Variants in DAB2IP observed in about 807,000 individuals in gnomAD.
DAB2IP encodes the protein disabled homolog 2-interacting protein.
Under a neutral mutation model 107.2 loss-of-function variants are expected in DAB2IP, and 28 were observed. The ratio of observed to expected loss-of-function variants is 0.26; its 90% CI spans 0.19 to 0.36. The LOEUF is 0.36. DAB2IP is among the 10% of genes least tolerant of loss of function. DAB2IP has a pLI of 1.00. For missense variants in DAB2IP, 1,400 were observed against 1,644.7 expected, an observed-to-expected ratio of 0.85 and a Z score of 2.57; for synonymous variants, 755 against 706.4, an observed-to-expected ratio of 1.07 and a Z score of -1.09.
At chr9:121,773,134 C>T (rs767683993) in exon 12 of DAB2IP, 4 of 1,611,214 alleles carry the variant, frequency 2.5e-6, no homozygotes, top group Admixed American at 3.3e-5. Context: ...TTGGCGGCTG[C>T]TGCCAAGCTG....
In DAB2IP at chr9:121,774,744, T is replaced by G. The variant is rs180967979; in HGVS notation, c.3120+332T>G. ...TTGAGCTTCCTGAGGACCTGGGGGT[T>G]GAGGGCTGAGGGTGCCCAAGTGACA... On this transcript the variant is annotated intron_variant, in intron 13 of 15. Coordinates refer to ENST00000408936, the Ensembl canonical transcript of DAB2IP. Among the ~76,000 whole-genome samples, 1,266 of 152,214 alleles carry G rather than the reference T, an allele frequency of 8.3e-3. 20 individuals are homozygous for G. Among genetic ancestry groups the G allele is most frequent in the African/African-American group, 0.029 (1,219 of 41,530 alleles).
At chr9:121,707,950 C>T (rs1337701250) in intron 3 of DAB2IP, among the ~76,000 whole-genome samples, 1 of 152,192 alleles carries the variant, frequency 6.6e-6, no homozygotes, top group Non-Finnish European at 1.5e-5. Context: ...GTGGCTATGA[C>T]TAAATCCCTA....
chr9:121,699,435 C>G lies in DAB2IP; in HGVS notation c.339C>G (p.Ala113=). The G allele has an allele frequency of 6.9e-7, 1 of 1,446,862 alleles. No homozygotes were observed. The highest frequency in any genetic ancestry group is 9.2e-7 in the Non-Finnish European group (1 of 1,088,224). 89.6% of individuals were successfully genotyped at this position (1,446,862 alleles called of 1,614,324 possible). ...TCCTGCCGGGGTTCCGGAGCGCCGC[C>G]GCCGCCGCCGCGGACAATGAGAGGT... is the stretch of plus-strand genomic sequence containing the variant. The change falls in exon 3 of 16, where the codon GCC becomes GCG. Residue 113 remains alanine, a synonymous_variant. Coordinates refer to ENST00000408936, the Ensembl canonical transcript of DAB2IP. This position sits in a 1 kb window ranked among gnomAD's most constrained non-coding sequence, Gnocchi z 6.2.
At position 121,763,493 on chromosome 9, in the gene DAB2IP, C is replaced by T; in HGVS notation, c.1171-12C>T. The T allele has an allele frequency of 1.2e-6, 2 of 1,607,748 alleles. No individual in the cohort carries two copies. The highest frequency in any genetic ancestry group is 2.2e-5 in the East Asian group (1 of 44,868). ...GCTCAGGTCCTGCTCTCTCCACCTCCTGCCTCCCCAGGACTTCCTGACAGA... is the reference window on the plus strand; with the variant it reads ...GCTCAGGTCCTGCTCTCTCCACCTCTTGCCTCCCCAGGACTTCCTGACAGA... On this transcript the variant is annotated splice_polypyrimidine_tract_variant and intron_variant, in intron 6 of 15. Transcript: ENST00000408936.
intron 3 of DAB2IP, among the ~76,000 whole-genome samples, chr9:121,710,798 A>G (rs77946580): frequency 6.6e-6 from 1 of 152,114 alleles, no homozygotes; most frequent in Non-Finnish European, 1.5e-5. Context: ...TGGCGCTGAA[A>G]TCCCCAGCCA....
chr9:121,621,148 A>G (rs1831448323), intron 1 of DAB2IP, among the ~76,000 whole-genome samples: 3 of 151,528 alleles, frequency 2.0e-5, no homozygotes, highest in Non-Finnish European at 2.9e-5. Context: ...CCTGCACCCC[A>G]TCCCTGCCCT....
At chr9:121,722,581 G>A (rs962088229) in intron 3 of DAB2IP, among the ~76,000 whole-genome samples, 7 of 152,176 alleles carry the variant, frequency 4.6e-5, no homozygotes, top group Non-Finnish European at 7.3e-5. Flanking sequence ...GCCAGAGAGG[G>A]GACTGAAACC....
At chr9:121,584,199 C>CT (rs1477841036) in intron 1 of DAB2IP, among the ~76,000 whole-genome samples, 2 of 151,788 alleles carry the variant, frequency 1.3e-5, no homozygotes, top group African/African-American at 4.8e-5. Context: ...TAAATAAAAA[C>CT]TTTTTTGAGA....
intron 1 of DAB2IP, among the ~76,000 whole-genome samples, chr9:121,586,706 G>C (rs909890659): frequency 2.6e-5 from 4 of 152,050 alleles, no homozygotes; most frequent in Non-Finnish European, 5.9e-5. Flanking sequence ...TTCAGTCCCA[G>C]CTACTTGGGA....
At chr9:121,770,879 C>G (rs189726988) in intron 11 of DAB2IP, among the ~76,000 whole-genome samples, 155 bp downstream of exon 11, 1 of 152,248 alleles carries the variant, frequency 6.6e-6, no homozygotes, top group East Asian at 1.9e-4. Flanking sequence ...TGGTGAACCT[C>G]CATTTGGGAA....
intron 1 of DAB2IP, among the ~76,000 whole-genome samples, chr9:121,666,867 AACACACACACACACACAC>A (rs59290421): frequency 0.094 from 12,058 of 128,644 alleles, 662 homozygotes; most frequent in South Asian, 0.17. Flanking sequence ...CCCCAGCCCC[AACACACACACACACACAC>A]ACACACACAC....
At chr9:121,675,330 G>A (rs1202815252) in intron 1 of DAB2IP, among the ~76,000 whole-genome samples, 1 of 152,182 alleles carries the variant, frequency 6.6e-6, no homozygotes, top group African/African-American at 2.4e-5. Flanking sequence ...ATCGTGGCAG[G>A]TACAGCAAAG....
At chr9:121,706,805 C>T (rs1372533125) in intron 3 of DAB2IP, among the ~76,000 whole-genome samples, 1 of 152,212 alleles carries the variant, frequency 6.6e-6, no homozygotes. Flanking sequence ...GCCATGCCAC[C>T]TACCACCTGG....
chr9:121,693,962 G>C (rs1308294456), intron 2 of DAB2IP, among the ~76,000 whole-genome samples: 1 of 152,198 alleles, frequency 6.6e-6, no homozygotes, highest in Non-Finnish European at 1.5e-5. Flanking sequence ...TGGTTCCCTA[G>C]GGGCTGCCTC....
At chr9:121,723,442 A>T (rs1831053073) in intron 3 of DAB2IP, among the ~76,000 whole-genome samples, 1 of 152,188 alleles carries the variant, frequency 6.6e-6, no homozygotes, top group South Asian at 2.1e-4. Context: ...ACCCCTGATG[A>T]AACTGTCTCT....
chr9:121,685,089 G>A (rs761365546), intron 2 of DAB2IP, among the ~76,000 whole-genome samples: 3 of 152,160 alleles, frequency 2.0e-5, no homozygotes, highest in Non-Finnish European at 2.9e-5. Context: ...AGCATCCGGC[G>A]TGTATTCAGC....
At chr9:121,658,013 T>G (rs1419859681) in intron 1 of DAB2IP, among the ~76,000 whole-genome samples, 9 of 152,032 alleles carry the variant, frequency 5.9e-5, no homozygotes, top group Non-Finnish European at 1.0e-4. Flanking sequence ...CCTGTTTCGG[T>G]GTTGGTGTAG....
intron 1 of DAB2IP, among the ~76,000 whole-genome samples, chr9:121,569,285 G>A (rs1829878494): frequency 1.3e-5 from 2 of 152,232 alleles, no homozygotes; most frequent in South Asian, 4.1e-4. Context: ...GGGCTTTGGT[G>A]TTCAAGAACA....
chr9:121,785,247 G>A (rs369305300), exon 16 of DAB2IP: 1 of 152,622 alleles, frequency 6.6e-6, no homozygotes, highest in South Asian at 2.1e-4. Flanking sequence ...CCGCACGACT[G>A]CGGGAGCCAG....
Sources: gnomAD v4.1 joint callset for allele counts (sites outside exome capture counted in the v4.1 genomes callset) on GRCh38, gnomAD v4.1.1 for gene constraint, Gnocchi (gnomAD v3.1) non-coding constraint, MANE v1.5 for transcripts, NCBI Gene and HGNC (gene_info 2026-07-23, HGNC 2026-07-21) for gene names.